PRELID2: variants seen among roughly 807,000 people sequenced by gnomAD.
PRELID2 encodes the protein PRELI domain-containing protein 2.
Under a neutral mutation model 28.4 loss-of-function variants are expected in PRELID2, and 25 were observed. The ratio of observed to expected loss-of-function variants is 0.88; its 90% CI spans 0.64 to 1.23. The LOEUF is 1.23. Ranked by LOEUF, PRELID2 falls within the 50% of genes most tolerant of loss-of-function variation. The probability of loss-of-function intolerance (pLI) is 0.00; values close to 1 mark genes in which losing one functional copy is unlikely to be tolerated. For synonymous variants in PRELID2, 76 were observed against 71.6 expected (o/e 1.06, Z -0.31); for missense variants, 201 against 214.4 (o/e 0.94, Z 0.39).
intron 1 of PRELID2, among the ~76,000 whole-genome samples, chr5:145,517,258 C>T (rs1241597211): frequency 6.6e-6 from 1 of 151,466 alleles, no homozygotes; most frequent in East Asian, 1.9e-4. Context: ...GGCTAATATC[C>T]AGAATCTACA....
chr5:145,426,713 A>G, the PRELID2 span, among the ~76,000 whole-genome samples: 5 of 152,222 alleles, frequency 3.3e-5, no homozygotes, highest in African/African-American at 7.2e-5. Flanking sequence ...TCACAGAGGT[A>G]AAGTTGCACA....
chr5:145,443,964 C>G, the PRELID2 span, among the ~76,000 whole-genome samples: 1 of 152,046 alleles, frequency 6.6e-6, no homozygotes. Flanking sequence ...TCAGGTAGCA[C>G]ATTTATTATG....
chr5:145,554,534 A>G (rs560358118), intron 1 of PRELID2, among the ~76,000 whole-genome samples: 1 of 152,314 alleles, frequency 6.6e-6, no homozygotes, highest in Admixed American at 6.5e-5. Context: ...ACCAGGTTGA[A>G]GGATCCACTC....
At chr5:145,427,980 C>T in the PRELID2 span, among the ~76,000 whole-genome samples, 15 of 152,014 alleles carry the variant, frequency 9.9e-5, no homozygotes, top group South Asian at 2.1e-3. Flanking sequence ...TTTTTTGAGA[C>T]GGAGTTTTGC....
chr5:145,521,697 G>T (rs1187626711), intron 1 of PRELID2, among the ~76,000 whole-genome samples: 1 of 152,120 alleles, frequency 6.6e-6, no homozygotes, highest in Non-Finnish European at 1.5e-5. Flanking sequence ...AAGAAATGCA[G>T]CCTGGAGCAG....
At chr5:145,388,284 G>A in the PRELID2 span, among the ~76,000 whole-genome samples, 4 of 152,140 alleles carry the variant, frequency 2.6e-5, no homozygotes, top group Non-Finnish European at 5.9e-5. Flanking sequence ...ATTTTTAAAT[G>A]AATAAATGTG....
the PRELID2 span, among the ~76,000 whole-genome samples, chr5:145,355,690 A>C: frequency 6.6e-6 from 1 of 152,162 alleles, no homozygotes; most frequent in Non-Finnish European, 1.5e-5. Flanking sequence ...AGAGCAAAAA[A>C]AGCATGAGCT....
chr5:145,270,904 A>G, the PRELID2 span, among the ~76,000 whole-genome samples: 1 of 152,252 alleles, frequency 6.6e-6, no homozygotes, highest in African/African-American at 2.4e-5. Flanking sequence ...TTTATAAAGG[A>G]AAGAGGTTTA....
chr5:145,275,367 G>A, the PRELID2 span, among the ~76,000 whole-genome samples: 1 of 152,032 alleles, frequency 6.6e-6, no homozygotes, highest in South Asian at 2.1e-4. Flanking sequence ...ACTGCAAAGA[G>A]GAGCCTGAAA....
the PRELID2 span, among the ~76,000 whole-genome samples, chr5:145,305,552 C>A: frequency 6.6e-6 from 1 of 152,034 alleles, no homozygotes; most frequent in African/African-American, 2.4e-5. Flanking sequence ...GAGGGCAGGC[C>A]ATGGGTAACA....
chr5:145,597,540 T>C (rs1753327196), intron 1 of PRELID2, among the ~76,000 whole-genome samples: 1 of 152,122 alleles, frequency 6.6e-6, no homozygotes, highest in Non-Finnish European at 1.5e-5. Context: ...ATACTGCCAA[T>C]ATTTGACCAT....
At chr5:145,690,258 G>A (rs1755120858) in intron 1 of PRELID2, among the ~76,000 whole-genome samples, 1 of 152,142 alleles carries the variant, frequency 6.6e-6, no homozygotes, top group Non-Finnish European at 1.5e-5. Context: ...TTCCCAAAAT[G>A]CTGGGATAAC....
the PRELID2 span, among the ~76,000 whole-genome samples, chr5:145,290,421 T>TA: frequency 4.6e-5 from 7 of 151,922 alleles, no homozygotes; most frequent in African/African-American, 9.7e-5. Context: ...TATGCAGCCA[T>TA]AAAAAAGGAT....
At chr5:145,270,386 TACTC>T in the PRELID2 span, among the ~76,000 whole-genome samples, 3 of 152,210 alleles carry the variant, frequency 2.0e-5, no homozygotes, top group South Asian at 6.2e-4. Context: ...AATGGAATAT[TACTC>T]AGGAATAAAA....
At chr5:145,327,362 T>A in the PRELID2 span, among the ~76,000 whole-genome samples, 1 of 152,144 alleles carries the variant, frequency 6.6e-6, no homozygotes, top group South Asian at 2.1e-4. Flanking sequence ...CACTTTATTA[T>A]TATATAATGA....
chr5:145,230,168 G>C, the PRELID2 span: 7 of 413,994 alleles, frequency 1.7e-5, no homozygotes, highest in Non-Finnish European at 3.2e-5. Context: ...TGGCAACCTA[G>C]TGGGGCTGCC....
chr5:145,536,942 T>C (rs1174397074), intron 1 of PRELID2, among the ~76,000 whole-genome samples: 2 of 151,814 alleles, frequency 1.3e-5, no homozygotes, highest in Admixed American at 1.3e-4. Context: ...AACTTTGTTG[T>C]GGAAGAGAGA....
rs538486551 is a variant in PRELID2 at position 145,808,524 on chromosome 5, T to C, written c.368+9370A>G. On this transcript the variant is annotated intron_variant, in intron 4 of 6. Transcript: ENST00000683046. ...AAAATAAAACATTTAAAAAGTTGTA[T>C]CCATATCTATTAGAGAGTGAAGAAT... 4.6e-5 allele frequency among the ~76,000 whole-genome samples: 7 copies of C among 152,262 alleles called. No individual in the cohort carries two copies. The South Asian group carries it at 1.2e-3, about 27-fold the overall frequency.
chr5:145,494,726 G>T (rs1304274278), intron 1 of PRELID2, among the ~76,000 whole-genome samples: 1 of 152,024 alleles, frequency 6.6e-6, no homozygotes, highest in East Asian at 1.9e-4. Context: ...GAGAAGAAAA[G>T]AATATTAGAT....
Sources: allele counts gnomAD v4.1 joint callset (sites outside exome capture counted in the v4.1 genomes callset), GRCh38; gene constraint gnomAD v4.1.1; transcripts MANE v1.5; gene names NCBI Gene and HGNC (gene_info 2026-07-23, HGNC 2026-07-21).